ECT2L: variants seen among roughly 807,000 people sequenced by gnomAD.
The protein encoded by ECT2L is epithelial cell transforming 2 like, also known as epithelial cell-transforming sequence 2 oncogene-like.
ECT2L carries 126 observed loss-of-function variants against 122.8 expected under a neutral mutation model. The ratio of observed to expected loss-of-function variants is 1.03; its 90% confidence interval spans 0.89 to 1.19. The LOEUF is 1.19. Ranked by LOEUF, ECT2L falls within the 50% of genes most tolerant of loss-of-function variation. ECT2L has a pLI of 0.00. For synonymous variants in ECT2L, 385 were observed against 381.8 expected, an observed-to-expected ratio of 1.01 and a Z score of -0.10; for missense variants, 1,012 against 1,064.1, an observed-to-expected ratio of 0.95 and a Z score of 0.68.
At chr6:138,798,935 C>T (rs1775436618) in intron 1 of ECT2L, among the ~76,000 whole-genome samples, 1 of 152,172 alleles carries the variant, frequency 6.6e-6, no homozygotes, top group Non-Finnish European at 1.5e-5. Context: ...TCAAATAAGG[C>T]AAATGCTGAG....
intron 5 of ECT2L, among the ~76,000 whole-genome samples, chr6:138,839,594 G>A (rs1008249415): frequency 2.6e-5 from 4 of 152,012 alleles, no homozygotes; most frequent in Non-Finnish European, 5.9e-5. Flanking sequence ...GAACTCCTGG[G>A]CTCAAGAGAT....
chr6:138,810,177 A>G (rs1279205054), intron 1 of ECT2L, among the ~76,000 whole-genome samples: 1 of 152,210 alleles, frequency 6.6e-6, no homozygotes, highest in African/African-American at 2.4e-5. Context: ...GGAATATAAA[A>G]GAATTCAGAG....
intron 10 of ECT2L, among the ~76,000 whole-genome samples, chr6:138,856,221 C>T (rs938027797): frequency 1.6e-5 from 1 of 63,080 alleles, no homozygotes; most frequent in Non-Finnish European, 3.5e-5. Context: ...TTTTGTCTCC[C>T]CCACCCCACC....
At chr6:138,867,999 CA>C (rs754296302) in intron 12 of ECT2L, 103 bp from the exon 13 acceptor site, 23,287 of 332,810 alleles carry the variant, frequency 0.07, no homozygotes, top group East Asian at 0.15. Flanking sequence ...GATTCTGTCT[CA>C]AAAAAAAAAA....
intron 14 of ECT2L, among the ~76,000 whole-genome samples, chr6:138,880,529 A>G (rs1778609389): frequency 6.6e-6 from 1 of 152,120 alleles, no homozygotes; most frequent in South Asian, 2.1e-4. Context: ...ATAATCAATA[A>G]AACACTACTT....
At chr6:138,834,891 G>T (rs548455244) in intron 4 of ECT2L, among the ~76,000 whole-genome samples, 1 of 124,426 alleles carries the variant, frequency 8.0e-6, no homozygotes, top group African/African-American at 3.3e-5. Flanking sequence ...CTTTGCCCCC[G>T]TTTACACACA....
intron 4 of ECT2L, among the ~76,000 whole-genome samples, chr6:138,819,770 C>A (rs1776207884): frequency 6.6e-6 from 1 of 151,752 alleles, no homozygotes; most frequent in African/African-American, 2.4e-5. Flanking sequence ...ACCTCTAATC[C>A]CAGCTATTCG....
At chr6:138,831,872 G>A (rs1776658848) in intron 4 of ECT2L, among the ~76,000 whole-genome samples, 1 of 152,148 alleles carries the variant, frequency 6.6e-6, no homozygotes, top group Non-Finnish European at 1.5e-5. Context: ...CCTTTGAGAA[G>A]AGATATTCAA....
At chr6:138,861,952 T>C (rs1269350321) in intron 10 of ECT2L, among the ~76,000 whole-genome samples, 1 of 152,188 alleles carries the variant, frequency 6.6e-6, no homozygotes, top group Non-Finnish European at 1.5e-5. Context: ...GTATTCCAAA[T>C]CTGAAAATAA....
chr6:138,846,410 G>A (rs1045912839), intron 7 of ECT2L, 129 bp from the exon 8 acceptor site: 7 of 755,140 alleles, frequency 9.3e-6, no homozygotes, highest in Non-Finnish European at 1.3e-5. Context: ...AAAACACAGG[G>A]TGAGGCTAAG....
chr6:138,841,963 T>G (rs563277739), intron 5 of ECT2L, among the ~76,000 whole-genome samples: 1 of 152,360 alleles, frequency 6.6e-6, no homozygotes, highest in African/African-American at 2.4e-5. Flanking sequence ...ACTATTCCAC[T>G]ATTGCTAGAA....
intron 4 of ECT2L, among the ~76,000 whole-genome samples, chr6:138,822,238 A>G (rs2128378303): frequency 6.6e-6 from 1 of 152,376 alleles, no homozygotes; most frequent in African/African-American, 2.4e-5. Flanking sequence ...TGAACAAAAC[A>G]GTAATAGAGA....
At chr6:138,830,153 T>G (rs1257974728) in intron 4 of ECT2L, among the ~76,000 whole-genome samples, 1 of 152,226 alleles carries the variant, frequency 6.6e-6, no homozygotes, top group Non-Finnish European at 1.5e-5. Context: ...CAATTTTGTT[T>G]GATAATATTA....
At chr6:138,825,648 A>C (rs1050204776) in intron 4 of ECT2L, among the ~76,000 whole-genome samples, 1 of 152,204 alleles carries the variant, frequency 6.6e-6, no homozygotes, top group African/African-American at 2.4e-5. Context: ...CCAATCACCA[A>C]TAATCCACCA....
intron 13 of ECT2L, 96 bp from the exon 14 acceptor site, chr6:138,876,376 G>A: frequency 1.3e-6 from 1 of 760,770 alleles, no homozygotes; most frequent in Admixed American, 2.3e-5. Flanking sequence ...TGGGGCTGAA[G>A]GCAGAGGCTT....
At chr6:138,829,653 T>G (rs1776580561) in intron 4 of ECT2L, among the ~76,000 whole-genome samples, 1 of 152,204 alleles carries the variant, frequency 6.6e-6, no homozygotes, top group Non-Finnish European at 1.5e-5. Flanking sequence ...AAAATAATTT[T>G]TGCAGTTCTT....
intron 10 of ECT2L, among the ~76,000 whole-genome samples, chr6:138,857,833 G>A (rs1000911895): frequency 2.0e-5 from 3 of 152,074 alleles, no homozygotes; most frequent in South Asian, 2.1e-4. Flanking sequence ...CCATTCTCAC[G>A]CTGCTATGAA....
In ECT2L at chr6:138,838,931, G is replaced by A. The variant is rs190174326; in HGVS notation, c.342+417G>A. Among the ~76,000 whole-genome samples the A allele has an allele frequency of 2.0e-3, 310 of 152,170 alleles. 1 individual carries two copies. Among genetic ancestry groups the A allele is most frequent in the Non-Finnish European group, 3.7e-3 (255 of 68,000 alleles). On this transcript the variant is annotated intron_variant, in intron 5 of 21. Transcript: ENST00000541398. ...TGAGTAGCTGGGATTACAGGCGCGT[G>A]CCACCACGCCCAGCTAATTTTTGTA... is the stretch of plus-strand genomic sequence containing the variant.
intron 20 of ECT2L, among the ~76,000 whole-genome samples, chr6:138,890,492 C>CTTTTTTTTTTTTTTTGTTTTTTTTT (rs1778980817): frequency 1.3e-5 from 1 of 78,990 alleles, no homozygotes; most frequent in African/African-American, 5.6e-5. Context: ...TTTCTTTGAT[C>CTTTTTTTTTTTTTTTGTTTTTTTTT]TTTTTTTTTT....
Sources: allele counts gnomAD v4.1 joint callset (sites outside exome capture counted in the v4.1 genomes callset), GRCh38; gene constraint gnomAD v4.1.1; transcripts MANE v1.5; gene names NCBI Gene and HGNC (gene_info 2026-07-23, HGNC 2026-07-21).